Variants in ATXN1 observed in about 807,000 individuals in gnomAD.
The protein encoded by ATXN1 is ataxin 1, also known as ataxin-1.
In ATXN1, 8 loss-of-function variants were observed where a neutral mutation model predicts 56.4. The observed-to-expected ratio is 0.14, with a 90% CI of 0.08 to 0.26. The LOEUF is 0.26. Among genes scored for constraint, ATXN1 ranks in the 10% least tolerant of loss-of-function variants. ATXN1 has a pLI of 1.00. For missense variants in ATXN1, 987 were observed against 1,106.5 expected (o/e 0.89, Z 1.53); for synonymous variants, 514 against 494.6 (o/e 1.04, Z -0.52).
chr6:16,694,845 T>C (rs1159514840), intron 2 of ATXN1, among the ~76,000 whole-genome samples: 1 of 152,222 alleles, frequency 6.6e-6, no homozygotes, highest in Non-Finnish European at 1.5e-5. Context: ...ATTGCCAGAA[T>C]GTTCCTCCTC....
intron 4 of ATXN1, among the ~76,000 whole-genome samples, chr6:16,557,581 TAAGAA>T (rs1165904691): frequency 2.6e-5 from 4 of 151,884 alleles, no homozygotes; most frequent in African/African-American, 9.7e-5. Context: ...TAAAAAGAAA[TAAGAA>T]AAGAATACCA....
At chr6:16,718,569 G>A (rs975391787) in intron 2 of ATXN1, among the ~76,000 whole-genome samples, 4 of 152,184 alleles carry the variant, frequency 2.6e-5, no homozygotes, top group East Asian at 3.8e-4. Context: ...TTTGCAAAGC[G>A]TTTCGCTGGA....
rs537256405 is a variant in ATXN1 at position 16,397,272 on chromosome 6, TTGTTTTTTG to T, written c.-160-68811_-160-68803del. 9.3e-3 allele frequency among the ~76,000 whole-genome samples: 1,420 copies of T among 152,212 alleles called. 8 individuals carry two copies. Among genetic ancestry groups the T allele is most frequent in the Non-Finnish European group, 0.014 (926 of 68,010 alleles). On this transcript the variant is annotated intron_variant, in intron 6 of 7. Transcript: ENST00000436367. The stretch of plus-strand genomic sequence containing the variant: ...ACTTTTTGTTTTGTTTTTTGTTTTT[TTGTTTTTTG>T]TTTTTTTGAGATGAAGTCTCGTTCT...
intron 4 of ATXN1, among the ~76,000 whole-genome samples, chr6:16,577,321 C>T (rs539588816): frequency 6.6e-6 from 1 of 152,062 alleles, no homozygotes; most frequent in East Asian, 1.9e-4. Context: ...GCCAGGAGTT[C>T]GAGACCAGCC....
intron 2 of ATXN1, among the ~76,000 whole-genome samples, chr6:16,728,314 G>A (rs1759892828): frequency 6.6e-6 from 1 of 152,212 alleles, no homozygotes; most frequent in African/African-American, 2.4e-5. Flanking sequence ...AGCAGCTGGG[G>A]AAAACTTTCC....
intron 6 of ATXN1, among the ~76,000 whole-genome samples, chr6:16,415,536 G>C (rs1330404816): frequency 6.6e-6 from 1 of 152,180 alleles, no homozygotes; most frequent in East Asian, 1.9e-4. Context: ...AGCCCAAGTG[G>C]TTATTATTTC....
At position 16,469,871 on chromosome 6, in the gene ATXN1, C is replaced by G. The variant is rs887929459; in HGVS notation, c.-161+16101G>C. 4.0e-5 allele frequency among the ~76,000 whole-genome samples: 6 copies of G among 150,668 alleles called. No homozygotes were observed. The Admixed American group carries it at 4.0e-4, about 10-fold the overall frequency. On this transcript the variant is annotated intron_variant, in intron 6 of 7. Coordinates refer to ENST00000436367, the MANE Select transcript of ATXN1 (RefSeq NM_001128164.2). ...CCAGCTACTTGGGAGGCTGAGGCAA[C>G]AGAATTGCTTGAACCTGGGAGGCAG...
In ATXN1 at chr6:16,559,857, TA is replaced by T. The variant is rs144834952; in HGVS notation, c.-361+25922del. On this transcript the variant is annotated intron_variant, in intron 4 of 7. Coordinates refer to ENST00000436367, the MANE Select transcript of ATXN1 (RefSeq NM_001128164.2). ...GCTTTGTTATTTTTAGTATGTTTAA[TA>T]AAAAAAAAATAAAGTTTTTTAAACC... 4.5e-4 allele frequency among the ~76,000 whole-genome samples: 68 copies of T among 149,954 alleles called. 1 individual carries two copies. The highest frequency in any genetic ancestry group is 3.4e-3 in the Middle Eastern group (1 of 292).
intron 2 of ATXN1, among the ~76,000 whole-genome samples, chr6:16,723,414 T>C (rs954026643): frequency 6.6e-6 from 1 of 152,152 alleles, no homozygotes; most frequent in Non-Finnish European, 1.5e-5. Context: ...TTACTATAAA[T>C]CAACTATAAA....
At chr6:16,473,481 T>C (rs1282745228) in intron 6 of ATXN1, among the ~76,000 whole-genome samples, 2 of 152,166 alleles carry the variant, frequency 1.3e-5, no homozygotes, top group African/African-American at 2.4e-5. Context: ...GAGAAGCATT[T>C]TGAGAGTGCC....
intron 2 of ATXN1, among the ~76,000 whole-genome samples, chr6:16,669,881 T>C (rs1278056147): frequency 6.6e-6 from 1 of 152,098 alleles, no homozygotes; most frequent in African/African-American, 2.4e-5. Context: ...TAACTCTTGT[T>C]GCCTACCTCC....
At chr6:16,726,295 G>A (rs532548188) in intron 2 of ATXN1, among the ~76,000 whole-genome samples, 6 of 151,232 alleles carry the variant, frequency 4.0e-5, no homozygotes, top group African/African-American at 1.2e-4. Flanking sequence ...CAAGAGAATC[G>A]CTGGAACCCG....
chr6:16,587,492 A>T (rs1176331939), intron 3 of ATXN1, among the ~76,000 whole-genome samples: 1 of 152,258 alleles, frequency 6.6e-6, no homozygotes, highest in East Asian at 1.9e-4. Flanking sequence ...CAAGAAATCA[A>T]CAAAATTATG....
At chr6:16,685,641 T>C (rs773902184) in intron 2 of ATXN1, among the ~76,000 whole-genome samples, 2 of 152,194 alleles carry the variant, frequency 1.3e-5, no homozygotes, top group Non-Finnish European at 2.9e-5. Context: ...CTTCATTCAA[T>C]TGAGCCTAAT....
At position 16,760,417 on chromosome 6, in the gene ATXN1, G is replaced by A. The variant is rs1308341124; in HGVS notation, c.-730+881C>T. Among the ~76,000 whole-genome samples, 1 of 151,320 alleles carries A rather than the reference G, an allele frequency of 6.6e-6. No homozygotes were observed. Among genetic ancestry groups the A allele is most frequent in the Non-Finnish European group, 1.5e-5 (1 of 67,738 alleles). On this transcript the variant is annotated intron_variant, in intron 1 of 7. Transcript: ENST00000436367. The surrounding 1 kb of genome is among the most constrained non-coding windows in gnomAD (Gnocchi z 5.3). Reference sequence around the variant, plus strand: ...CGCTCGCGGGCTCCCGGCTCCGGGCGGCGGCTGCCGCTGCACATGATCAGG... The same window carrying A: ...CGCTCGCGGGCTCCCGGCTCCGGGCAGCGGCTGCCGCTGCACATGATCAGG...
rs184231920 is a variant in ATXN1 at position 16,362,798 on chromosome 6, A to G, written c.-160-34328T>C. Among the ~76,000 whole-genome samples, 165 of 152,228 alleles carry G rather than the reference A, an allele frequency of 1.1e-3. 1 individual carries two copies. Among genetic ancestry groups the G allele is most frequent in the African/African-American group, 3.4e-3 (141 of 41,512 alleles). ...GTATAGGTTTACATTTCAGCACTAA[A>G]TCTCCCACCCACTCATGTCGCAAAC... On this transcript the variant is annotated intron_variant, in intron 6 of 7. Transcript: ENST00000436367.
In ATXN1 at chr6:16,584,271, CATAT is replaced by C. The variant is rs1554117653; in HGVS notation, c.-361+1505_-361+1508del. Among the ~76,000 whole-genome samples, 12 of 140,312 alleles carry C rather than the reference CATAT, an allele frequency of 8.6e-5. No individual in the cohort carries two copies. In the East Asian group the frequency reaches 2.3e-3, roughly 27 times the overall value. 92.1% of individuals were successfully genotyped at this position (140,312 alleles called of 152,430 possible). On this transcript the variant is annotated intron_variant, in intron 4 of 7. Coordinates refer to ENST00000436367, the MANE Select transcript of ATXN1 (RefSeq NM_001128164.2). The stretch of plus-strand genomic sequence containing the variant: ...ACACACACACACACACACACACACA[CATAT>C]ACACATATATATATATACACACACA...
chr6:16,504,710 G>A (rs966637676), intron 5 of ATXN1, among the ~76,000 whole-genome samples: 18 of 152,276 alleles, frequency 1.2e-4, no homozygotes, highest in African/African-American at 3.6e-4. Flanking sequence ...TGGATCTGAC[G>A]TGAACTGCTC....
intron 2 of ATXN1, among the ~76,000 whole-genome samples, chr6:16,711,793 T>C (rs1759530064): frequency 6.6e-6 from 1 of 152,038 alleles, no homozygotes; most frequent in Non-Finnish European, 1.5e-5. Flanking sequence ...AGTTTTTGTA[T>C]TTTTAATAGA....
Sources: allele counts gnomAD v4.1 joint callset (sites outside exome capture counted in the v4.1 genomes callset), GRCh38; gene constraint gnomAD v4.1.1; non-coding constraint Gnocchi (gnomAD v3.1); transcripts MANE v1.5; gene names NCBI Gene and HGNC (gene_info 2026-07-23, HGNC 2026-07-21).